The following MORN1 variants were observed in gnomAD, a reference collection of about 807,000 sequenced individuals.
MORN1 encodes the protein MORN repeat containing 1.
A neutral mutation model predicts 61.9 loss-of-function variants in MORN1; 67 were observed. The observed-to-expected ratio is 1.08, with a 90% CI of 0.89 to 1.33. The LOEUF (loss-of-function observed/expected upper bound fraction) is 1.33, where lower values mean the gene tolerates loss of function less well. Ranked by LOEUF, MORN1 falls within the 40% of genes most tolerant of loss-of-function variation. MORN1 has a pLI of 0.00. For synonymous variants in MORN1, 301 were observed against 292.0 expected (o/e 1.03, Z -0.31); for missense variants, 752 against 691.2 (o/e 1.09, Z -0.99).
rs999054318 is a variant in MORN1 at position 2,345,622 on chromosome 1, C to T, written c.1037-8772G>A. On this transcript the variant is annotated intron_variant, in intron 10 of 13. Transcript: ENST00000378531. ...TGACCAGAGACGGAGACGAAGGCAC[C>T]CTAGCCGGCAACATAGGGGCTCTGT... is the stretch of plus-strand genomic sequence containing the variant. Among the ~76,000 whole-genome samples, 6 of 152,318 alleles carry T rather than the reference C, an allele frequency of 3.9e-5. 1 individual carries two copies. Among genetic ancestry groups the T allele is most frequent in the African/African-American group, 1.4e-4 (6 of 41,574 alleles).
At chr1:2,353,676 C>G (rs750551457) in intron 10 of MORN1, among the ~76,000 whole-genome samples, 1 of 152,214 alleles carries the variant, frequency 6.6e-6, no homozygotes, top group Non-Finnish European at 1.5e-5. Context: ...GGCTCCTGGC[C>G]GGAGTCCCCG....
At chr1:2,338,638 G>C (rs1641332065) in intron 10 of MORN1, among the ~76,000 whole-genome samples, 1 of 152,224 alleles carries the variant, frequency 6.6e-6, no homozygotes, top group Non-Finnish European at 1.5e-5. Context: ...CGTGCCATTT[G>C]CAGGGGCAAG....
At chr1:2,378,824 A>G in intron 6 of MORN1, 1 of 425,700 alleles carries the variant, frequency 2.3e-6, no homozygotes, top group Admixed American at 2.7e-5. Context: ...AGTGTGGGGG[A>G]CGGAGATGGC....
Position 2,350,710 on chromosome 1 carries a change from G to A in MORN1, c.1036+6722C>T, listed in dbSNP as rs531634640. ...CAGTGGCCCTGGCCCAGCAGGAGGT[G>A]CCCTCCAGGGCCTTCTGCTTCCTTC... On this transcript the variant is annotated intron_variant, in intron 10 of 13. Coordinates refer to ENST00000378531, the MANE Select transcript of MORN1 (RefSeq NM_024848.3). 2.5e-3 allele frequency: 380 copies of A among 152,410 alleles called. 2 individuals carry two copies. The highest frequency in any genetic ancestry group is 2.9e-3 in the Non-Finnish European group (197 of 68,072). The allele number at this position is 152,410 out of a possible 1,614,324, so 9.4% of individuals were successfully genotyped here. A position where few individuals can be genotyped will look rare whatever the true frequency, so the allele number is the denominator to read the frequency against.
chr1:2,328,742 A>G (rs907620165), intron 12 of MORN1, among the ~76,000 whole-genome samples: 1 of 152,212 alleles, frequency 6.6e-6, no homozygotes, highest in African/African-American at 2.4e-5. Flanking sequence ...TAACAGCCCC[A>G]GGCACAGACA....
At chr1:2,354,699 G>A (rs535220214) in intron 10 of MORN1, among the ~76,000 whole-genome samples, 1 of 152,312 alleles carries the variant, frequency 6.6e-6, no homozygotes, top group East Asian at 1.9e-4. Context: ...GCCAGCATGC[G>A]CACTCAGTCA....
intron 10 of MORN1, among the ~76,000 whole-genome samples, chr1:2,343,806 C>T (rs78126651): frequency 0.039 from 5,998 of 152,258 alleles, 390 homozygotes; most frequent in African/African-American, 0.13. Flanking sequence ...CCATGGCACC[C>T]GCCTCTGGCT....
chr1:2,383,808 C>T (rs1424923494), intron 6 of MORN1, among the ~76,000 whole-genome samples: 1 of 152,232 alleles, frequency 6.6e-6, no homozygotes, highest in Non-Finnish European at 1.5e-5. Context: ...GCTCTCAATT[C>T]CGCTAGTGCC....
At chr1:2,387,770 G>A in intron 3 of MORN1, 2 of 537,850 alleles carry the variant, frequency 3.7e-6, no homozygotes, top group East Asian at 3.0e-5. Flanking sequence ...CTATCCCGAG[G>A]GCAAAGGACC....
chr1:2,336,979 TTGG>T (rs1414360213), intron 10 of MORN1, 129 bp from the exon 11 acceptor site: 51 of 1,113,568 alleles, frequency 4.6e-5, no homozygotes, highest in Non-Finnish European at 5.1e-5. Flanking sequence ...CGATGCCATC[TTGG>T]TGGGGGCAGG....
At chr1:2,370,169 C>CT (rs1553219127) in intron 8 of MORN1, among the ~76,000 whole-genome samples, 10 of 152,174 alleles carry the variant, frequency 6.6e-5, no homozygotes, top group South Asian at 2.1e-4. Flanking sequence ...GTGGAGCAGA[C>CT]GGGGGGTCCA....
chr1:2,325,984 C>T (rs1055234005), intron 12 of MORN1, among the ~76,000 whole-genome samples: 1 of 152,096 alleles, frequency 6.6e-6, no homozygotes, highest in African/African-American at 2.4e-5. Flanking sequence ...CCGGAATTAC[C>T]CATCAAATGG....
rs566485552 is a variant in MORN1 at position 2,349,889 on chromosome 1, T to TG, written c.1036+7542dup. 6.0e-3 allele frequency among the ~76,000 whole-genome samples: 920 copies of TG among 152,248 alleles called. 8 individuals are homozygous for TG. The highest frequency in any genetic ancestry group is 0.021 in the African/African-American group (874 of 41,536). ...ATATTCACTGGGAGGGTTTTGTGCA[T>TG]GAAAAAAAAGAAGAAAAGAAAAGCA... On this transcript the variant is annotated intron_variant, in intron 10 of 13. Coordinates refer to ENST00000378531, the MANE Select transcript of MORN1 (RefSeq NM_024848.3).
intron 12 of MORN1, among the ~76,000 whole-genome samples, chr1:2,330,174 C>T (rs572292837): frequency 2.6e-5 from 4 of 152,348 alleles, no homozygotes; most frequent in Admixed American, 2.6e-4. Flanking sequence ...GCTGGCCAGG[C>T]CTGCCCCTAA....
In MORN1 at chr1:2,337,139, G is replaced by C. The variant is rs1217998725; in HGVS notation, c.1037-289C>G. On this transcript the variant is annotated intron_variant, in intron 10 of 13. Transcript: ENST00000378531. The surrounding 1 kb of genome is among the most constrained non-coding windows in gnomAD (Gnocchi z 5.7). ...GGAGCCCAGCGCTTTGCAGTGGGAA[G>C]GGTCTCCCATCAGCAGCCCCCGTCA... Among the ~76,000 whole-genome samples, 1 of 152,170 alleles carries C rather than the reference G, an allele frequency of 6.6e-6. No individual in the cohort carries two copies. Among genetic ancestry groups the C allele is most frequent in the Non-Finnish European group, 1.5e-5 (1 of 68,018 alleles).
intron 1 of MORN1, chr1:2,390,740 T>A (rs991429559): frequency 1.0e-6 from 1 of 984,136 alleles, no homozygotes; most frequent in South Asian, 4.7e-5. Flanking sequence ...ACAGTTCCTA[T>A]CAAAACCTGC....
chr1:2,373,534 TG>T (rs1178746537), intron 7 of MORN1, among the ~76,000 whole-genome samples: 1 of 152,080 alleles, frequency 6.6e-6, no homozygotes, highest in Non-Finnish European at 1.5e-5. Context: ...TCCCTTGAGG[TG>T]AGGTCACCAA....
At chr1:2,346,060 C>CAAAGCCACCAGGAACCTTCCTCAGAG in intron 10 of MORN1, among the ~76,000 whole-genome samples, 1 of 150,624 alleles carries the variant, frequency 6.6e-6, no homozygotes, top group Non-Finnish European at 1.5e-5. Context: ...CTTCCTCAGA[C>CAAAGCCACCAGGAACCTTCCTCAGAG]AAAGCCACCA....
intron 8 of MORN1, among the ~76,000 whole-genome samples, chr1:2,362,712 A>C (rs902162208): frequency 1.3e-5 from 2 of 152,140 alleles, no homozygotes; most frequent in African/African-American, 2.4e-5. Flanking sequence ...AATACAAAAA[A>C]AATTAGCTGG....
Sources: gnomAD v4.1 joint callset for allele counts (sites outside exome capture counted in the v4.1 genomes callset) on GRCh38, gnomAD v4.1.1 for gene constraint, Gnocchi (gnomAD v3.1) non-coding constraint, MANE v1.5 for transcripts, NCBI Gene and HGNC (gene_info 2026-07-23, HGNC 2026-07-21) for gene names.